Variants in MYO18B observed in about 807,000 individuals in gnomAD.
The protein encoded by MYO18B is myosin XVIIIB, also known as unconventional myosin-XVIIIb.
MYO18B carries 204 observed loss-of-function variants against 273.0 expected under a neutral mutation model. The observed-to-expected ratio is 0.75, with a 90% CI of 0.67 to 0.84. The LOEUF (loss-of-function observed/expected upper bound fraction) is 0.84, where lower values mean the gene tolerates loss of function less well. Among genes scored for constraint, MYO18B ranks in the 40% least tolerant of loss-of-function variants. The pLI is 0.00. For missense variants in MYO18B, 3,212 were observed against 3,287.6 expected (o/e 0.98, Z 0.56); for synonymous variants, 1,330 against 1,305.7 (o/e 1.02, Z -0.40).
chr22:25,886,919 G>A (rs768630010), intron 25 of MYO18B, among the ~76,000 whole-genome samples: 6 of 152,164 alleles, frequency 3.9e-5, no homozygotes, highest in Non-Finnish European at 8.8e-5. Context: ...CTTCTCATAA[G>A]GTATTTGAAG....
intron 1 of MYO18B, among the ~76,000 whole-genome samples, chr22:25,759,244 G>A (rs909279422): frequency 6.6e-6 from 1 of 152,132 alleles, no homozygotes; most frequent in Non-Finnish European, 1.5e-5. Context: ...TATGTTTATT[G>A]TGGCACTATT....
At chr22:25,947,678 C>T (rs2092730915) in intron 35 of MYO18B, 34 bp from the exon 36 acceptor site, 8 of 1,562,610 alleles carry the variant, frequency 5.1e-6, no homozygotes, top group Non-Finnish European at 6.2e-6. Flanking sequence ...CTCACCCTCT[C>T]ACCTTGCCTT....
At chr22:25,826,276 AT>A (rs2089486501) in intron 13 of MYO18B, 132 bp from the exon 14 acceptor site, 2 of 622,782 alleles carry the variant, frequency 3.2e-6, no homozygotes, top group South Asian at 4.6e-5. Flanking sequence ...TGGGGAAATA[AT>A]TTTAGCAGTG....
intron 20 of MYO18B, 73 bp from the exon 21 acceptor site, chr22:25,851,397 G>C (rs555285975): frequency 2.1e-4 from 214 of 1,001,146 alleles, no homozygotes; most frequent in Middle Eastern, 4.3e-4. Flanking sequence ...TCCTGTCTAG[G>C]GGTTTAGGGA....
At chr22:25,828,651 C>A in intron 14 of MYO18B, 125 bp from the exon 15 acceptor site, 3 of 855,246 alleles carry the variant, frequency 3.5e-6, no homozygotes, top group Non-Finnish European at 5.4e-6. Flanking sequence ...AAGTAGCTTG[C>A]CTGAGGTCAC....
At chr22:25,929,127 A>T (rs912661174) in intron 34 of MYO18B, among the ~76,000 whole-genome samples, 1 of 138,226 alleles carries the variant, frequency 7.2e-6, no homozygotes, top group Non-Finnish European at 1.5e-5. Flanking sequence ...ACACCATTAC[A>T]CTCCAGCCTG....
rs184871685 is a variant in MYO18B at position 25,861,277 on chromosome 22, G to A, written c.3886-7043G>A. Among the ~76,000 whole-genome samples the A allele has an allele frequency of 3.1e-3, 479 of 152,248 alleles. 1 individual carries two copies. Among genetic ancestry groups the A allele is most frequent in the Non-Finnish European group, 4.3e-3 (295 of 67,998 alleles). On this transcript the variant is annotated intron_variant, in intron 21 of 43. Coordinates refer to ENST00000335473, the MANE Select transcript of MYO18B (RefSeq NM_032608.7). ...TAATGTTAAATTTTCTATTTATCCT[G>A]TCATTCTATGCATTTTTGCTTCACA... is the stretch of plus-strand genomic sequence containing the variant.
At position 25,947,495 on chromosome 22, in the gene MYO18B, C is replaced by CAG. The variant is rs1443979254; in HGVS notation, c.5632-216_5632-215insGA. Among the ~76,000 whole-genome samples the CAG allele has an allele frequency of 2.2e-3, 253 of 112,920 alleles. 1 individual carries two copies. The highest frequency in any genetic ancestry group is 0.01 in the African/African-American group (228 of 22,292). The allele number at this position is 112,920 out of a possible 152,430, so 74.1% of individuals were successfully genotyped here. On this transcript the variant is annotated intron_variant, in intron 35 of 43. Coordinates refer to ENST00000335473, the MANE Select transcript of MYO18B (RefSeq NM_032608.7). The stretch of plus-strand genomic sequence containing the variant: ...TCACATGTAATGCCTAATACACACA[C>CAG]ACACACACACACACACACACACACA...
chr22:25,895,076 AAAGT>A lies in MYO18B; in HGVS notation c.4544-79_4544-76del, dbSNP rs2091764735. On this transcript the variant is annotated intron_variant, in intron 27 of 43. Transcript: ENST00000335473. ...GTGAAATTGCATGCCAAGAGCCAAGAAAGTGGAGGAGAGCCACTCACACTCTTGC... is the reference window on the plus strand; with the variant it reads ...GTGAAATTGCATGCCAAGAGCCAAGAGGAGGAGAGCCACTCACACTCTTGC... The A allele has an allele frequency of 6.6e-6, 10 of 1,516,026 alleles. No individual in the cohort carries two copies. In the South Asian group the frequency reaches 1.3e-4, roughly 19 times the overall value. 93.9% of individuals were successfully genotyped at this position (1,516,026 alleles called of 1,614,324 possible). A position where few individuals can be genotyped will look rare whatever the true frequency, so the allele number is the denominator to read the frequency against.
At position 25,847,638 on chromosome 22, in the gene MYO18B, G is replaced by A. The variant is rs774090650; in HGVS notation, c.3761G>A (p.Arg1254His). 6.7e-5 allele frequency: 105 copies of A among 1,557,584 alleles called. No homozygotes were observed. The highest frequency in any genetic ancestry group is 8.2e-5 in the African/African-American group (6 of 73,510). Residue 1254 changes from arginine to histidine, a missense_variant, in exon 20 of 44, where the codon CGT (arginine) becomes CAT (histidine). By Grantham distance (29) the Arg-to-His change is conservative (BLOSUM62 0). Coordinates refer to ENST00000335473, the MANE Select transcript of MYO18B (RefSeq NM_032608.7). ...LAGFHILEAL[R>H]LHRTGYADHM... ...GGGTTCCACATCCTGGAGGCTCTGC[G>A]TCTGCATAGGACAGGTAAGAGACAG...
At position 25,943,061 on chromosome 22, in the gene MYO18B, T is replaced by TG. The variant is rs1447769974; in HGVS notation, c.5518-3073dup. ...TCTGCTGAAGTAGGGGCTGGGCAGA[T>TG]GGGAACTGTGTCATCGTGTTCTGCT... On this transcript the variant is annotated intron_variant, in intron 34 of 43. Coordinates refer to ENST00000335473, the MANE Select transcript of MYO18B (RefSeq NM_032608.7). 3.3e-5 allele frequency among the ~76,000 whole-genome samples: 5 copies of TG among 152,152 alleles called. No homozygotes were observed. In the East Asian group the frequency reaches 9.6e-4, roughly 29 times the overall value.
At chr22:25,820,920 AGAACATGT>A (rs2145878913) in intron 12 of MYO18B, among the ~76,000 whole-genome samples, 1 of 152,284 alleles carries the variant, frequency 6.6e-6, no homozygotes, top group African/African-American at 2.4e-5. Flanking sequence ...CATATGAATA[AGAACATGT>A]GATATTTGTC....
chr22:25,931,612 C>T (rs544490566), intron 34 of MYO18B, among the ~76,000 whole-genome samples: 2 of 151,676 alleles, frequency 1.3e-5, no homozygotes, highest in South Asian at 4.2e-4. Context: ...AGAGACCGGA[C>T]AGGTGGTGGC....
chr22:26,022,480 T>C (rs1208534632), intron 42 of MYO18B, among the ~76,000 whole-genome samples: 1 of 152,174 alleles, frequency 6.6e-6, no homozygotes, highest in Admixed American at 6.5e-5. Context: ...AGGAACTTTA[T>C]ACCTTGAGAG....
At chr22:26,029,062 A>G (rs1305252825) in intron 43 of MYO18B, among the ~76,000 whole-genome samples, 1 of 152,182 alleles carries the variant, frequency 6.6e-6, no homozygotes, top group Non-Finnish European at 1.5e-5. Context: ...CTTGTACAGA[A>G]TCACCAGGGC....
chr22:25,788,675 A>G (rs1179421902), intron 11 of MYO18B, among the ~76,000 whole-genome samples: 1 of 152,232 alleles, frequency 6.6e-6, no homozygotes, highest in Non-Finnish European at 1.5e-5. Context: ...TGGCAACTCT[A>G]CAACCCAACT....
At position 26,027,840 on chromosome 22, in the gene MYO18B, A is replaced by T. The variant is rs1936378741; in HGVS notation, c.*12+150A>T. The T allele has an allele frequency of 2.5e-6, 2 of 814,308 alleles. No homozygotes were observed. Among genetic ancestry groups the T allele is most frequent in the Non-Finnish European group, 3.7e-6 (2 of 534,894 alleles). 50.4% of individuals were successfully genotyped at this position (814,308 alleles called of 1,614,324 possible). ...AGGTTTTAGCTGAAGTCATGTGTTG[A>T]TGGATGCAAAGCTTTTCAGAACCCC... On this transcript the variant is annotated intron_variant, in intron 43 of 43. Coordinates refer to ENST00000335473, the MANE Select transcript of MYO18B (RefSeq NM_032608.7). The surrounding 1 kb of genome is among the most constrained non-coding windows in gnomAD (Gnocchi z 4.1).
At chr22:25,924,041 C>G (rs147252407) in intron 34 of MYO18B, among the ~76,000 whole-genome samples, 1 of 152,322 alleles carries the variant, frequency 6.6e-6, no homozygotes, top group Admixed American at 6.5e-5. Context: ...CAAAGGAAAT[C>G]CACAGCTTTG....
At chr22:26,041,523 C>G in the MYO18B span, among the ~76,000 whole-genome samples, 1 of 152,030 alleles carries the variant, frequency 6.6e-6, no homozygotes, top group Admixed American at 6.5e-5. Flanking sequence ...CAGAGTGAGG[C>G]TCTATCTCAA....
Sources: gnomAD v4.1 joint callset for allele counts (sites outside exome capture counted in the v4.1 genomes callset) on GRCh38, gnomAD v4.1.1 for gene constraint, Gnocchi (gnomAD v3.1) non-coding constraint, MANE v1.5 for transcripts, NCBI Gene and HGNC (gene_info 2026-07-23, HGNC 2026-07-21) for gene names.